The following ABCB9 variants were observed in gnomAD, a reference collection of about 807,000 sequenced individuals.
The protein encoded by ABCB9 is ATP binding cassette subfamily B member 9, also known as ABC-type oligopeptide transporter ABCB9.
Under a neutral mutation model 62.0 loss-of-function variants are expected in ABCB9, and 36 were observed. That is an observed-to-expected ratio of 0.58 (90% CI 0.45 to 0.77). The LOEUF (loss-of-function observed/expected upper bound fraction) is 0.77. ABCB9 is among the 30% of genes least tolerant of loss of function. The probability of loss-of-function intolerance (pLI) is 0.00; values close to 1 mark genes in which losing one functional copy is unlikely to be tolerated. For synonymous variants in ABCB9, 435 were observed against 461.4 expected (o/e 0.94, Z 0.73); for missense variants, 943 against 1,054.7 (o/e 0.89, Z 1.47).
At chr12:122,920,106 C>A (rs1213436898), downstream of ABCB9, among the ~76,000 whole-genome samples, 2 of 152,036 alleles carry the variant, frequency 1.3e-5, no homozygotes, top group African/African-American at 4.8e-5. Flanking sequence ...GTCTCCAACT[C>A]CTGACCTCAA....
At chr12:122,971,641 G>A (rs2037272042) in intron 1 of ABCB9, among the ~76,000 whole-genome samples, 1 of 151,898 alleles carries the variant, frequency 6.6e-6, no homozygotes, top group East Asian at 1.9e-4. Context: ...TCATAGAGAC[G>A]GGATTTTGCC....
chr12:122,922,981 A>T (rs972652323), intron 11 of ABCB9, among the ~76,000 whole-genome samples: 3 of 151,510 alleles, frequency 2.0e-5, no homozygotes, highest in African/African-American at 7.3e-5. Flanking sequence ...TCTTTTTTTT[A>T]AAGTTTTTAG....
At chr12:122,955,234 G>A (rs891576982) in intron 2 of ABCB9, among the ~76,000 whole-genome samples, 1 of 152,204 alleles carries the variant, frequency 6.6e-6, no homozygotes, top group East Asian at 1.9e-4. Context: ...AAAGTTATCA[G>A]TGAAGTCGGG....
chr12:122,941,894 A>G (rs1408925043), intron 7 of ABCB9, among the ~76,000 whole-genome samples: 2 of 151,272 alleles, frequency 1.3e-5, no homozygotes, highest in South Asian at 2.1e-4. Context: ...AGCCCAGTTA[A>G]TTTTTTGTAT....
chr12:122,936,928 G>A (rs1395861917), intron 9 of ABCB9, among the ~76,000 whole-genome samples: 3 of 151,298 alleles, frequency 2.0e-5, no homozygotes, highest in African/African-American at 7.3e-5. Context: ...AAATTGACCA[G>A]ATGTGGTGGT....
Position 122,959,854 on chromosome 12 carries a change from C to T in ABCB9, c.382G>A (p.Gly128Ser), listed in dbSNP as rs750872553. 25 of 1,613,234 alleles carry T rather than the reference C, an allele frequency of 1.5e-5. No individual in the cohort carries two copies. Among genetic ancestry groups the T allele is most frequent in the Non-Finnish European group, 2.1e-5 (25 of 1,179,864 alleles). The change falls in exon 2 of 12, where the codon GGC (glycine) becomes AGC (serine). Residue 128 changes from glycine (G) to serine (S), a missense_variant. Coordinates refer to ENST00000280560, the MANE Select transcript of ABCB9 (RefSeq NM_019625.4). This position sits in a 1 kb window ranked among gnomAD's most constrained non-coding sequence, Gnocchi z 5.4. The part of the protein sequence containing the change: ...ALFVWTYISL[G>S]ASFLLWWLLS... ...AGCCACCAGAGCAGGAAGGATGCGC[C>T]GAGTGAAATGTACGTCCACACGAAC...
Position 122,972,270 on chromosome 12 carries a change from C to T in ABCB9, c.-88+2445G>A, listed in dbSNP as rs554005865. On this transcript the variant is annotated intron_variant, in intron 1 of 11. Coordinates refer to the ABCB9 transcript ENST00000392439. ...CCTCGTGATCCACCCGCCTTGGCCTCCCAAAGTGCTAGGATTACAGGCGTA... is the reference window on the plus strand; with the variant it reads ...CCTCGTGATCCACCCGCCTTGGCCTTCCAAAGTGCTAGGATTACAGGCGTA... 2.0e-5 allele frequency among the ~76,000 whole-genome samples: 3 copies of T among 152,272 alleles called. No homozygotes were observed. The East Asian group carries it at 5.8e-4, about 29-fold the overall frequency.
chr12:122,948,594 C>G (rs1217428525), intron 5 of ABCB9, 30 bp downstream of exon 5: 1 of 1,565,750 alleles, frequency 6.4e-7, no homozygotes. Flanking sequence ...CCAGGGTGCA[C>G]AGTCCCCAGC....
chr12:122,921,102 A>G, intron 11 of ABCB9: 1 of 1,510,620 alleles, frequency 6.6e-7, no homozygotes, highest in Non-Finnish European at 8.9e-7. Context: ...AGTCTGCTTA[A>G]TGCCTCTGGA....
At chr12:122,948,872 C>A in intron 4 of ABCB9, 43 bp from the exon 5 acceptor site, 1 of 1,325,330 alleles carries the variant, frequency 7.5e-7, no homozygotes, top group Non-Finnish European at 9.8e-7. Context: ...CAACCCGGGC[C>A]TTGGGGGTGG....
chr12:122,939,294 C>G (rs2135797954), intron 9 of ABCB9, among the ~76,000 whole-genome samples: 1 of 152,360 alleles, frequency 6.6e-6, no homozygotes, highest in South Asian at 2.1e-4. Context: ...CAGCCTCAAC[C>G]TGGATGACTC....
rs771690238 is a variant in ABCB9 at position 122,932,777 on chromosome 12, G to A, written c.1904-449C>T. ...CCTGGACCAATTTTCCCCATGGACCGACTTCCTCCCATGCACAACAATATA... is the reference window on the plus strand; with the variant it reads ...CCTGGACCAATTTTCCCCATGGACCAACTTCCTCCCATGCACAACAATATA... On this transcript the variant is annotated intron_variant, in intron 10 of 11. Coordinates refer to ENST00000280560, the MANE Select transcript of ABCB9 (RefSeq NM_019625.4). The surrounding 1 kb of genome is among the most constrained non-coding windows in gnomAD (Gnocchi z 4.7). 8.5e-5 allele frequency among the ~76,000 whole-genome samples: 13 copies of A among 152,156 alleles called. No individual in the cohort carries two copies. Among genetic ancestry groups the A allele is most frequent in the Admixed American group, 3.3e-4 (5 of 15,256 alleles).
chr12:122,922,216 A>G (rs1318946174), intron 11 of ABCB9, among the ~76,000 whole-genome samples: 1 of 152,144 alleles, frequency 6.6e-6, no homozygotes, highest in Non-Finnish European at 1.5e-5. Context: ...TAGTTTGTTT[A>G]CAGTGTTCCC....
chr12:122,929,765 G>A lies in ABCB9; in HGVS notation c.*146C>T. The A allele has an allele frequency of 7.1e-7, 1 of 1,413,166 alleles. No homozygotes were observed. Among genetic ancestry groups the A allele is most frequent in the South Asian group, 1.6e-5 (1 of 62,472 alleles). 87.5% of individuals were successfully genotyped at this position (1,413,166 alleles called of 1,614,324 possible). ...ATGGGGCAGGGACCAGGGGCAAGAT[G>A]CAGGAAGCGGTGATCCATGGGACAT... On this transcript the variant is annotated 3_prime_UTR_variant, in exon 12 of 12. Transcript: ENST00000280560. The surrounding 1 kb of genome is among the most constrained non-coding windows in gnomAD (Gnocchi z 6.0).
At position 122,944,411 on chromosome 12, in the gene ABCB9, C is replaced by A; in HGVS notation, c.1360G>T (p.Val454Phe). The change falls in exon 7 of 12, where the codon GTC (valine) becomes TTC (phenylalanine). Residue 454 changes from valine (V) to phenylalanine (F), a missense_variant. Val to Phe is a conservative substitution (Grantham distance 50, BLOSUM62 -1). Coordinates refer to ENST00000280560, the MANE Select transcript of ABCB9 (RefSeq NM_019625.4). The surrounding 1 kb of genome is among the most constrained non-coding windows in gnomAD (Gnocchi z 4.9). ...NLIAFIIYEF[V>F]LGDCMESVGS... ...CTCACCTCCATACAATCTCCCAGGA[C>A]AAACTCGTAGATGATGAAGGCGATG... 1 of 1,613,654 alleles carries A rather than the reference C, an allele frequency of 6.2e-7. No individual in the cohort carries two copies. The highest frequency in any genetic ancestry group is 1.1e-5 in the South Asian group (1 of 91,072).
exon 1 of ABCB9, chr12:122,975,075 C>CA (rs1474429828): frequency 7.0e-5 from 34 of 483,490 alleles, no homozygotes; most frequent in Admixed American, 3.8e-4. Context: ...CCGCCGGTCC[C>CA]AACCCGGCCC....
intron 2 of ABCB9, among the ~76,000 whole-genome samples, chr12:122,951,293 G>A (rs2036356315): frequency 6.8e-6 from 1 of 146,496 alleles, no homozygotes; most frequent in African/African-American, 2.5e-5. Context: ...CTGTCGCCCA[G>A]GCTGGAGTGC....
Position 122,944,650 on chromosome 12 carries a change from G to A in ABCB9, c.1252-131C>T. The A allele has an allele frequency of 1.5e-6, 2 of 1,317,580 alleles. No individual in the cohort carries two copies. Among genetic ancestry groups the A allele is most frequent in the South Asian group, 1.4e-5 (1 of 71,842 alleles). The allele number at this position is 1,317,580 out of a possible 1,614,324, so 81.6% of individuals were successfully genotyped here. ...GCCACAAACTGAAATGCCGGCCGTT[G>A]GCAGGGGTGTCTTCCAAGGCTTGTC... On this transcript the variant is annotated intron_variant, in intron 6 of 11. Coordinates refer to ENST00000280560, the MANE Select transcript of ABCB9 (RefSeq NM_019625.4). The surrounding 1 kb of genome is among the most constrained non-coding windows in gnomAD (Gnocchi z 4.9).
chr12:122,957,588 C>T (rs1343645976), intron 2 of ABCB9, among the ~76,000 whole-genome samples: 19 of 151,926 alleles, frequency 1.3e-4, no homozygotes, highest in Non-Finnish European at 2.5e-4. Flanking sequence ...GGACCAGACT[C>T]ACAGGCACAA....
Sources: gnomAD v4.1 joint callset for allele counts (sites outside exome capture counted in the v4.1 genomes callset) on GRCh38, gnomAD v4.1.1 for gene constraint, Gnocchi (gnomAD v3.1) non-coding constraint, MANE v1.5 for transcripts, NCBI Gene and HGNC (gene_info 2026-07-23, HGNC 2026-07-21) for gene names.